Variants in STXBP5L observed in about 807,000 individuals in gnomAD.
STXBP5L encodes syntaxin binding protein 5L.
Under a neutral mutation model 144.5 loss-of-function variants are expected in STXBP5L, and 65 were observed. The observed-to-expected ratio is 0.45, with a 90% CI of 0.37 to 0.55. STXBP5L has a LOEUF of 0.55. Among genes scored for constraint, STXBP5L ranks in the 20% least tolerant of loss-of-function variants. The pLI is 0.00. For missense variants in STXBP5L, 1,298 were observed against 1,405.5 expected, an observed-to-expected ratio of 0.92 and a Z score of 1.22; for synonymous variants, 505 against 469.6, an observed-to-expected ratio of 1.08 and a Z score of -0.97.
intron 7 of STXBP5L, among the ~76,000 whole-genome samples, chr3:121,128,357 G>T (rs561597618): frequency 6.6e-6 from 1 of 152,178 alleles, no homozygotes; most frequent in Admixed American, 6.6e-5. Flanking sequence ...GAAGGGATCA[G>T]GGGATGATAA....
At chr3:121,140,582 C>T (rs543279064) in intron 7 of STXBP5L, among the ~76,000 whole-genome samples, 30 of 152,056 alleles carry the variant, frequency 2.0e-4, no homozygotes, top group Non-Finnish European at 7.4e-5. Context: ...TCTTCTCATT[C>T]GCGACAACAT....
At chr3:121,233,146 T>C (rs774258240) in intron 11 of STXBP5L, among the ~76,000 whole-genome samples, 12 of 152,182 alleles carry the variant, frequency 7.9e-5, no homozygotes, top group Non-Finnish European at 1.8e-4. Context: ...TCAAATTACA[T>C]TGAATTGAAA....
chr3:120,968,293 G>A (rs1251297838), intron 3 of STXBP5L, among the ~76,000 whole-genome samples: 1 of 152,104 alleles, frequency 6.6e-6, no homozygotes, highest in African/African-American at 2.4e-5. Context: ...GGTGTTGACT[G>A]CATATATCTT....
intron 18 of STXBP5L, among the ~76,000 whole-genome samples, chr3:121,272,052 G>A (rs339008): frequency 6.6e-6 from 1 of 152,032 alleles, no homozygotes; most frequent in Admixed American, 6.6e-5. Flanking sequence ...CATGTTATCT[G>A]TTCTGAAGAA....
chr3:121,076,153 AG>A (rs1334431400), intron 5 of STXBP5L, among the ~76,000 whole-genome samples: 3 of 152,030 alleles, frequency 2.0e-5, no homozygotes, highest in Non-Finnish European at 4.4e-5. Context: ...TGTTTCTCGG[AG>A]GGGCACCTGC....
At chr3:121,215,507 C>G (rs1005502246) in intron 10 of STXBP5L, among the ~76,000 whole-genome samples, 1 of 152,106 alleles carries the variant, frequency 6.6e-6, no homozygotes, top group Admixed American at 6.5e-5. Flanking sequence ...AAATTCTTTT[C>G]TTTAATAGTG....
chr3:121,420,911 G>A lies in STXBP5L; in HGVS notation c.*1814G>A, dbSNP rs866140255. 6.6e-6 allele frequency: 1 copy of A among 152,086 alleles called. No homozygotes were observed. The highest frequency in any genetic ancestry group is 1.9e-4 in the East Asian group (1 of 5,198). 9.4% of individuals were successfully genotyped at this position (152,086 alleles called of 1,614,324 possible). A position where few individuals can be genotyped will look rare whatever the true frequency, so the allele number is the denominator to read the frequency against. ...AAGATGAGTGAAAGAGTTAGATAAT[G>A]TACACTAGGATAGCATTTCTCAGAG... On this transcript the variant is annotated 3_prime_UTR_variant, in exon 27 of 27. Coordinates refer to ENST00000471454, the MANE Select transcript of STXBP5L (RefSeq NM_001308330.2).
intron 9 of STXBP5L, among the ~76,000 whole-genome samples, chr3:121,172,446 G>T (rs1009042576): frequency 6.6e-6 from 1 of 152,092 alleles, no homozygotes; most frequent in Admixed American, 6.6e-5. Flanking sequence ...TCTGACAAAG[G>T]GCTAATATCT....
intron 5 of STXBP5L, among the ~76,000 whole-genome samples, chr3:121,081,894 T>A (rs1183575949): frequency 6.6e-6 from 1 of 152,228 alleles, no homozygotes; most frequent in Non-Finnish European, 1.5e-5. Context: ...ACAGCCTTAC[T>A]CTTGTCCAAG....
At chr3:121,111,833 T>G (rs1337283495) in intron 5 of STXBP5L, among the ~76,000 whole-genome samples, 1 of 152,002 alleles carries the variant, frequency 6.6e-6, no homozygotes, top group Admixed American at 6.6e-5. Flanking sequence ...AAAGACTAAG[T>G]CCACTGATCC....
intron 2 of STXBP5L, among the ~76,000 whole-genome samples, chr3:120,925,353 G>A (rs189020684): frequency 2.4e-4 from 36 of 152,108 alleles, no homozygotes; most frequent in African/African-American, 6.3e-4. Flanking sequence ...TGTTGGGTGC[G>A]TTGTTATTTA....
At chr3:121,279,307 C>G (rs145289717) in intron 18 of STXBP5L, among the ~76,000 whole-genome samples, 1 of 151,910 alleles carries the variant, frequency 6.6e-6, no homozygotes, top group East Asian at 1.9e-4. Flanking sequence ...TGTATCTCCT[C>G]ATTTCTAATA....
intron 20 of STXBP5L, among the ~76,000 whole-genome samples, chr3:121,337,340 T>C (rs920447380): frequency 1.4e-5 from 2 of 147,096 alleles, no homozygotes; most frequent in African/African-American, 2.5e-5. Flanking sequence ...AAACTCGAGG[T>C]AAAGGGGTGG....
At chr3:120,990,696 C>G (rs1249433077) in intron 3 of STXBP5L, among the ~76,000 whole-genome samples, 1 of 152,160 alleles carries the variant, frequency 6.6e-6, no homozygotes, top group African/African-American at 2.4e-5. Context: ...ACTATCTGAT[C>G]TTTGACAAAC....
intron 25 of STXBP5L, among the ~76,000 whole-genome samples, chr3:121,416,269 G>A (rs1244597296): frequency 6.6e-6 from 1 of 151,612 alleles, no homozygotes; most frequent in Non-Finnish European, 1.5e-5. Flanking sequence ...ATACCTGCAT[G>A]GCAATGTGAA....
intron 9 of STXBP5L, among the ~76,000 whole-genome samples, chr3:121,160,439 A>G (rs1436367892): frequency 1.3e-5 from 2 of 152,244 alleles, no homozygotes; most frequent in Non-Finnish European, 2.9e-5. Context: ...ACAAATAAAA[A>G]GAAACAATAC....
At chr3:121,292,345 A>T (rs558885865) in intron 19 of STXBP5L, among the ~76,000 whole-genome samples, 1 of 152,352 alleles carries the variant, frequency 6.6e-6, no homozygotes, top group African/African-American at 2.4e-5. Flanking sequence ...ATGCAATACC[A>T]TCTTTCTCCT....
chr3:120,948,387 C>T (rs1436165212), intron 2 of STXBP5L, among the ~76,000 whole-genome samples: 2 of 151,514 alleles, frequency 1.3e-5, no homozygotes, highest in Non-Finnish European at 3.0e-5. Context: ...AAATTATTTT[C>T]CCATTCTGTG....
At chr3:121,226,084 TC>T (rs1322296388) in intron 11 of STXBP5L, among the ~76,000 whole-genome samples, 1 of 152,184 alleles carries the variant, frequency 6.6e-6, no homozygotes, top group African/African-American at 2.4e-5. Flanking sequence ...TGTGAAGTGG[TC>T]CATGAAGCCA....
Sources: allele counts gnomAD v4.1 joint callset (sites outside exome capture counted in the v4.1 genomes callset), GRCh38; gene constraint gnomAD v4.1.1; transcripts MANE v1.5; gene names NCBI Gene and HGNC (gene_info 2026-07-23, HGNC 2026-07-21).